The following NRXN1 variants were observed in gnomAD, a reference collection of about 807,000 sequenced individuals.
NRXN1 encodes neurexin 1.
NRXN1 carries 39 observed loss-of-function variants against 150.9 expected under a neutral mutation model. The ratio of observed to expected loss-of-function variants is 0.26; its 90% CI spans 0.20 to 0.34. NRXN1 has a LOEUF of 0.34. NRXN1 is among the 10% of genes least tolerant of loss of function. The probability of loss-of-function intolerance (pLI) is 1.00; values close to 1 mark genes in which losing one functional copy is unlikely to be tolerated. For synonymous variants in NRXN1, 924 were observed against 757.0 expected, an observed-to-expected ratio of 1.22 and a Z score of -3.62; for missense variants, 1,815 against 1,949.9, an observed-to-expected ratio of 0.93 and a Z score of 1.30.
chr2:50,975,356 G>A (rs1239532906), intron 2 of NRXN1, among the ~76,000 whole-genome samples: 1 of 152,076 alleles, frequency 6.6e-6, no homozygotes, highest in East Asian at 1.9e-4. Flanking sequence ...TCTAAAGCAA[G>A]CTTCCATTTG....
At position 50,915,108 on chromosome 2, in the gene NRXN1, A is replaced by C. The variant is rs190036685; in HGVS notation, c.832+6761T>G. Among the ~76,000 whole-genome samples, 462 of 151,830 alleles carry C rather than the reference A, an allele frequency of 3.0e-3. 2 individuals are homozygous for C. The highest frequency in any genetic ancestry group is 6.8e-3 in the Middle Eastern group (2 of 294). On this transcript the variant is annotated intron_variant, in intron 5 of 22. Coordinates refer to ENST00000401669, the MANE Select transcript of NRXN1 (RefSeq NM_001330078.2). ...AGTATTAAGCAGGGTGGTCGGTTTTAGTCTCCTTAACATTTTTAGCAAAAT... is the reference window on the plus strand; with the variant it reads ...AGTATTAAGCAGGGTGGTCGGTTTTCGTCTCCTTAACATTTTTAGCAAAAT...
At chr2:51,011,467 CA>C (rs1667849160) in intron 2 of NRXN1, among the ~76,000 whole-genome samples, 1 of 151,868 alleles carries the variant, frequency 6.6e-6, no homozygotes, top group Non-Finnish European at 1.5e-5. Flanking sequence ...GCTGGAGAAC[CA>C]GGGGTGAGCA....
chr2:50,448,566 G>A (rs2086675253), intron 17 of NRXN1, among the ~76,000 whole-genome samples: 1 of 152,202 alleles, frequency 6.6e-6, no homozygotes, highest in South Asian at 2.1e-4. Context: ...GCTTCCCAGA[G>A]TGAACTGCTA....
intron 5 of NRXN1, among the ~76,000 whole-genome samples, chr2:50,823,392 A>G (rs1574603963): frequency 6.6e-6 from 1 of 152,274 alleles, no homozygotes; most frequent in Non-Finnish European, 1.5e-5. Flanking sequence ...AATAAAAAGT[A>G]ACAATACCTA....
chr2:50,533,071 A>G (rs1350782435), intron 10 of NRXN1, among the ~76,000 whole-genome samples: 2 of 152,216 alleles, frequency 1.3e-5, no homozygotes, highest in African/African-American at 4.8e-5. Context: ...AAAGTCAAGT[A>G]CTGTTTCTAT....
At chr2:50,384,647 C>T (rs1446891437) in intron 17 of NRXN1, among the ~76,000 whole-genome samples, 2 of 152,080 alleles carry the variant, frequency 1.3e-5, no homozygotes, top group African/African-American at 4.8e-5. Context: ...GCACAAATAC[C>T]CAACTAATCT....
chr2:50,588,406 T>C (rs1673524064), intron 8 of NRXN1, among the ~76,000 whole-genome samples: 1 of 152,122 alleles, frequency 6.6e-6, no homozygotes, highest in Non-Finnish European at 1.5e-5. Flanking sequence ...AAATCATATA[T>C]TTTAATGGGA....
At chr2:50,387,048 T>C (rs73930359) in intron 17 of NRXN1, among the ~76,000 whole-genome samples, 19,029 of 152,018 alleles carry the variant, frequency 0.13, 1,777 homozygotes, top group East Asian at 0.38. Flanking sequence ...AAAAGAAAAA[T>C]TAGAGCCACC....
chr2:50,768,703 T>C (rs1347252283), intron 5 of NRXN1, among the ~76,000 whole-genome samples: 1 of 152,018 alleles, frequency 6.6e-6, no homozygotes, highest in East Asian at 1.9e-4. Flanking sequence ...TCAGAGAAGA[T>C]GCTATGTGGA....
At chr2:50,034,100 T>C (rs1020211480) in intron 21 of NRXN1, among the ~76,000 whole-genome samples, 3 of 151,924 alleles carry the variant, frequency 2.0e-5, no homozygotes, top group Admixed American at 6.6e-5. Flanking sequence ...CTCAAAGACC[T>C]AAAAACATAA....
chr2:50,016,726 C>T (rs1033563784), intron 21 of NRXN1, among the ~76,000 whole-genome samples: 1 of 152,256 alleles, frequency 6.6e-6, no homozygotes, highest in African/African-American at 2.4e-5. Flanking sequence ...CCACTCTTGA[C>T]ATGTGCTGAT....
intron 21 of NRXN1, among the ~76,000 whole-genome samples, chr2:50,033,063 A>G (rs1010139328): frequency 6.6e-6 from 1 of 151,860 alleles, no homozygotes; most frequent in Admixed American, 6.6e-5. Context: ...AAAATCTTAT[A>G]TATGTTATAT....
At chr2:50,966,531 A>G (rs1027654447) in intron 2 of NRXN1, among the ~76,000 whole-genome samples, 6 of 151,732 alleles carry the variant, frequency 4.0e-5, no homozygotes, top group Non-Finnish European at 8.9e-5. Context: ...AACTCTCTTC[A>G]GGTTAGATGC....
intron 5 of NRXN1, among the ~76,000 whole-genome samples, chr2:50,825,255 T>C (rs926641826): frequency 3.9e-5 from 6 of 152,338 alleles, no homozygotes; most frequent in African/African-American, 1.2e-4. Flanking sequence ...TCCTGACATA[T>C]AACTCTTAAA....
rs112956022 is a variant in NRXN1 at position 50,145,989 on chromosome 2, C to T, written c.3547-54495G>A. Among the ~76,000 whole-genome samples, 712 of 151,522 alleles carry T rather than the reference C, an allele frequency of 4.7e-3. 6 individuals carry two copies. Among genetic ancestry groups the T allele is most frequent in the African/African-American group, 0.016 (677 of 41,382 alleles). On this transcript the variant is annotated intron_variant, in intron 18 of 22. Transcript: ENST00000401669. ...CAGAAAAAAAAAATTCATTAGTTTC[C>T]CCAAATTGGTAAACAGTTTTTGGGA...
intron 18 of NRXN1, among the ~76,000 whole-genome samples, chr2:50,203,812 T>G (rs566761415): frequency 6.6e-6 from 1 of 152,300 alleles, no homozygotes; most frequent in South Asian, 2.1e-4. Flanking sequence ...CTTCATTTTT[T>G]TCTTAGAGCT....
At chr2:50,495,380 GGTGTGTGTGTGTGTGTGT>G (rs1157611088) in intron 15 of NRXN1, among the ~76,000 whole-genome samples, 1 of 17,742 alleles carries the variant, frequency 5.6e-5, no homozygotes, top group Admixed American at 3.9e-4. Flanking sequence ...GTGTGTGTGT[GGTGTGTGTGTGTGTGTGT>G]GTGTGTGTGT....
intron 17 of NRXN1, among the ~76,000 whole-genome samples, chr2:50,454,704 AG>A (rs2087358402): frequency 1.3e-5 from 2 of 150,888 alleles, no homozygotes; most frequent in African/African-American, 2.5e-5. Context: ...ACACACACAC[AG>A]TTAATTAACG....
At chr2:50,557,358 C>T (rs1397763110) in intron 8 of NRXN1, among the ~76,000 whole-genome samples, 1 of 152,092 alleles carries the variant, frequency 6.6e-6, no homozygotes, top group Non-Finnish European at 1.5e-5. Flanking sequence ...AAATAAGCGA[C>T]CAAAGTTAGT....
Sources: gnomAD v4.1 joint callset for allele counts (sites outside exome capture counted in the v4.1 genomes callset) on GRCh38, gnomAD v4.1.1 for gene constraint, MANE v1.5 for transcripts, NCBI Gene and HGNC (gene_info 2026-07-23, HGNC 2026-07-21) for gene names.